The following KLRG1 variants were observed in gnomAD, a reference collection of about 807,000 sequenced individuals.
The protein encoded by KLRG1 is killer cell lectin-like receptor subfamily G member 1.
KLRG1 carries 16 observed loss-of-function variants against 21.8 expected under a neutral mutation model. That is an observed-to-expected ratio of 0.73 (90% CI 0.50 to 1.11). The LOEUF is 1.11. KLRG1 is among the 50% of genes most tolerant of loss of function. KLRG1 has a pLI of 0.00. For synonymous variants in KLRG1, 69 were observed against 75.9 expected, an observed-to-expected ratio of 0.91 and a Z score of 0.47; for missense variants, 173 against 218.3, an observed-to-expected ratio of 0.79 and a Z score of 1.31.
chr12:9,171,652 C>G, the KLRG1 span, among the ~76,000 whole-genome samples: 74 of 152,242 alleles, frequency 4.9e-4, no homozygotes, highest in East Asian at 6.4e-3. Context: ...CATAACTGAC[C>G]TGATGGAGCT....
At chr12:9,028,579 G>C in the KLRG1 span, among the ~76,000 whole-genome samples, 1 of 152,170 alleles carries the variant, frequency 6.6e-6, no homozygotes, top group South Asian at 2.1e-4. Flanking sequence ...AAGTAGCTGG[G>C]ACTACAGGCA....
At chr12:8,977,920 C>G (rs1458927590) in intron 1 of KLRG1, among the ~76,000 whole-genome samples, 1 of 151,866 alleles carries the variant, frequency 6.6e-6, no homozygotes, top group African/African-American at 2.4e-5. Flanking sequence ...GTGCAGTAGC[C>G]CCATCTCAGC....
At chr12:9,006,855 G>T (rs1270395088) in intron 3 of KLRG1, among the ~76,000 whole-genome samples, 1 of 152,210 alleles carries the variant, frequency 6.6e-6, no homozygotes. Context: ...TAGGAGGACA[G>T]AGCTAGGAGG....
chr12:9,022,586 G>A, the KLRG1 span, among the ~76,000 whole-genome samples: 31 of 152,060 alleles, frequency 2.0e-4, no homozygotes, highest in South Asian at 1.0e-3. Context: ...TTTTAGGATC[G>A]GGGGTGGTCA....
chr12:9,059,057 A>G, the KLRG1 span, among the ~76,000 whole-genome samples: 1 of 152,246 alleles, frequency 6.6e-6, no homozygotes, highest in Admixed American at 6.5e-5. Flanking sequence ...AGTATTATGA[A>G]TACCACCACA....
chr12:9,029,596 C>T, the KLRG1 span, among the ~76,000 whole-genome samples: 2 of 152,168 alleles, frequency 1.3e-5, no homozygotes, highest in South Asian at 4.1e-4. Flanking sequence ...TATATTTTGA[C>T]AAGTATCTCC....
In KLRG1 at chr12:8,963,936, A is replaced by G. The variant is rs887882691; in HGVS notation, c.-156+13700A>G. Among the ~76,000 whole-genome samples, 201 of 151,828 alleles carry G rather than the reference A, an allele frequency of 1.3e-3. 1 individual carries two copies. The highest frequency in any genetic ancestry group is 4.6e-3 in the African/African-American group (191 of 41,386). On this transcript the variant is annotated intron_variant, in intron 1 of 4. Coordinates refer to the KLRG1 transcript ENST00000539240. ...TTGATTCTTCTCTCATTTCTTCTTTATTAGTCTTGCTAGTGGTCTATCAAT... is the reference window on the plus strand; with the variant it reads ...TTGATTCTTCTCTCATTTCTTCTTTGTTAGTCTTGCTAGTGGTCTATCAAT...
chr12:9,080,390 G>A, the KLRG1 span: 23 of 354,480 alleles, frequency 6.5e-5, no homozygotes, highest in African/African-American at 4.6e-4. Context: ...GATCTTTTCA[G>A]TAATTTATGT....
the KLRG1 span, among the ~76,000 whole-genome samples, chr12:9,085,408 A>G: frequency 6.6e-6 from 1 of 152,174 alleles, no homozygotes; most frequent in Admixed American, 6.5e-5. Flanking sequence ...ATGCTCCTGA[A>G]CAGCCAATGG....
the KLRG1 span, among the ~76,000 whole-genome samples, chr12:9,159,762 GC>G: frequency 6.6e-6 from 1 of 151,486 alleles, no homozygotes; most frequent in Non-Finnish European, 1.5e-5. Flanking sequence ...ACTAGATGCG[GC>G]CCCTAGACTT....
the KLRG1 span, among the ~76,000 whole-genome samples, chr12:9,139,439 C>T: frequency 5.9e-5 from 9 of 152,218 alleles, no homozygotes; most frequent in South Asian, 1.0e-3. Context: ...CTGTTTGGTC[C>T]ATTTGGTCTA....
the KLRG1 span, among the ~76,000 whole-genome samples, chr12:9,016,093 A>G: frequency 2.6e-5 from 4 of 152,204 alleles, no homozygotes; most frequent in African/African-American, 9.7e-5. Flanking sequence ...AATGCGTCTT[A>G]AAGAACTAGA....
the KLRG1 span, chr12:9,160,057 G>A: frequency 1.3e-6 from 2 of 1,583,476 alleles, no homozygotes; most frequent in Non-Finnish European, 8.7e-7. Context: ...TGTTCATGAA[G>A]CATTAAAGAA....
the KLRG1 span, among the ~76,000 whole-genome samples, chr12:9,022,817 A>G: frequency 1.1e-4 from 17 of 152,174 alleles, no homozygotes; most frequent in Non-Finnish European, 2.1e-4. Flanking sequence ...GATGTAATCA[A>G]TTATGCCTAT....
the KLRG1 span, among the ~76,000 whole-genome samples, chr12:9,017,719 C>G: frequency 2.0e-5 from 3 of 152,270 alleles, no homozygotes; most frequent in Non-Finnish European, 2.9e-5. Context: ...CAAGGATGCC[C>G]ATTTTCACCA....
the KLRG1 span, among the ~76,000 whole-genome samples, chr12:9,060,919 C>T: frequency 1.3e-5 from 2 of 152,010 alleles, no homozygotes; most frequent in African/African-American, 4.8e-5. Context: ...TGTGGTTACT[C>T]GAATATGATT....
intron 1 of KLRG1, among the ~76,000 whole-genome samples, chr12:8,973,728 A>G (rs1946609941): frequency 6.6e-6 from 1 of 152,198 alleles, no homozygotes; most frequent in African/African-American, 2.4e-5. Context: ...AATTTCCTTC[A>G]TTAATGTTTT....
chr12:9,091,141 A>G, the KLRG1 span: 5 of 1,559,112 alleles, frequency 3.2e-6, no homozygotes, highest in Non-Finnish European at 4.4e-6. Context: ...ATTCCTAGGA[A>G]TGCAACTTTT....
At chr12:8,977,379 TTTTTTTTTTTA>T (rs1157886073) in intron 1 of KLRG1, among the ~76,000 whole-genome samples, 1 of 149,198 alleles carries the variant, frequency 6.7e-6, no homozygotes, top group Non-Finnish European at 1.5e-5. Flanking sequence ...AATTTTTTTT[TTTTTTTTTTTA>T]TTTGTAGTAG....
Sources: allele counts gnomAD v4.1 joint callset (sites outside exome capture counted in the v4.1 genomes callset), GRCh38; gene constraint gnomAD v4.1.1; transcripts MANE v1.5; gene names NCBI Gene and HGNC (gene_info 2026-07-23, HGNC 2026-07-21).